Variants in ATRNL1 observed in about 807,000 individuals in gnomAD.
The protein encoded by ATRNL1 is attractin-like protein 1.
Under a neutral mutation model 182.7 loss-of-function variants are expected in ATRNL1, and 95 were observed. That is an observed-to-expected ratio of 0.52 (90% CI 0.44 to 0.62). The LOEUF is 0.62. Among genes scored for constraint, ATRNL1 ranks in the 20% least tolerant of loss-of-function variants. ATRNL1 has a pLI of 0.00. For missense variants in ATRNL1, 1,471 were observed against 1,679.5 expected (o/e 0.88, Z 2.17); for synonymous variants, 576 against 568.3 (o/e 1.01, Z -0.19).
chr10:115,136,191 G>T (rs1845507645), intron 5 of ATRNL1, among the ~76,000 whole-genome samples: 1 of 152,040 alleles, frequency 6.6e-6, no homozygotes, highest in Non-Finnish European at 1.5e-5. Context: ...ATAAAGTATA[G>T]TTGTCAAAGA....
chr10:115,376,253 TATCTC>T (rs1857665239), intron 19 of ATRNL1, among the ~76,000 whole-genome samples: 1 of 152,142 alleles, frequency 6.6e-6, no homozygotes, highest in Admixed American at 6.6e-5. Context: ...ATGATTCTGT[TATCTC>T]TTACTGCTGA....
chr10:115,457,409 A>G (rs1216782211), intron 21 of ATRNL1, among the ~76,000 whole-genome samples: 1 of 152,036 alleles, frequency 6.6e-6, no homozygotes, highest in Non-Finnish European at 1.5e-5. Context: ...TGTGGACTCT[A>G]TCCAGAACTG....
Position 115,315,573 on chromosome 10 carries a change from T to C in ATRNL1, c.2874T>C (p.Cys958=), listed in dbSNP as rs138333287. 1.2e-6 allele frequency: 2 copies of C among 1,613,796 alleles called. No individual in the cohort carries two copies. Among genetic ancestry groups the C allele is most frequent in the African/African-American group, 1.3e-5 (1 of 74,902 alleles). The change falls in exon 18 of 29, where the codon TGT becomes TGC. Residue 958 remains cysteine (C), a synonymous_variant. Coordinates refer to ENST00000355044, the MANE Select transcript of ATRNL1 (RefSeq NM_207303.4). The part of the protein sequence containing the change: ...TCGQCLEQPG[C]GWCNDPSNTG... ...GACAGTGTTTGGAACAGCCTGGATG[T>C]GGCTGGTGCAATGATCCTAGTAATA...
intron 26 of ATRNL1, among the ~76,000 whole-genome samples, chr10:115,587,889 TAGAAC>T (rs1855656718): frequency 6.7e-6 from 1 of 150,354 alleles, no homozygotes; most frequent in East Asian, 2.0e-4. Context: ...AGAAAACAAA[TAGAAC>T]AGAAGTAGTA....
intron 5 of ATRNL1, among the ~76,000 whole-genome samples, chr10:115,156,336 C>T (rs1554882060): frequency 2.0e-5 from 3 of 152,032 alleles, no homozygotes; most frequent in South Asian, 4.1e-4. Flanking sequence ...ATGGAAGTGC[C>T]GTTTACTCAG....
chr10:115,223,887 ATGTGTGTGTG>A (rs1185815693), intron 9 of ATRNL1, among the ~76,000 whole-genome samples: 4 of 80,108 alleles, frequency 5.0e-5, no homozygotes, highest in East Asian at 2.7e-4. Flanking sequence ...TATTTAATAT[ATGTGTGTGTG>A]TGTGTGTGTG....
intron 25 of ATRNL1, among the ~76,000 whole-genome samples, chr10:115,530,524 GA>G: frequency 6.6e-6 from 1 of 152,108 alleles, no homozygotes; most frequent in African/African-American, 2.4e-5. Context: ...TTAAGCGCTT[GA>G]AAAACAAGAA....
Position 115,281,396 on chromosome 10 carries a change from G to A in ATRNL1, c.2142G>A (p.Gln714=). The A allele has an allele frequency of 6.2e-7, 1 of 1,613,364 alleles. No individual in the cohort carries two copies. Among genetic ancestry groups the A allele is most frequent in the Non-Finnish European group, 8.5e-7 (1 of 1,179,598 alleles). Reference sequence around the variant, plus strand: ...CCAAATGTCATGTGAGAAATGAGCAGATTTGTAACAAACTTACCAGCTGTA... The same window carrying A: ...CCAAATGTCATGTGAGAAATGAGCAAATTTGTAACAAACTTACCAGCTGTA... The part of the protein sequence containing the change: ...NYTKCHVRNE[Q]ICNKLTSCKS... Residue 714 remains glutamine (Q), a synonymous_variant, in exon 14 of 29, where the codon CAG becomes CAA. Transcript: ENST00000355044.
rs190048431 is a variant in ATRNL1, at chr10:115,494,739, T to A, written c.3655-24524T>A. On this transcript the variant is annotated intron_variant, in intron 24 of 28. Coordinates refer to ENST00000355044, the MANE Select transcript of ATRNL1 (RefSeq NM_207303.4). The stretch of plus-strand genomic sequence containing the variant: ...TTTTGATATGCTGCTCAATTCACTT[T>A]GCTAGTATTTTTTTGAGAATTCTTG... 2.5e-3 allele frequency among the ~76,000 whole-genome samples: 379 copies of A among 152,328 alleles called. 4 individuals carry two copies. The highest frequency in any genetic ancestry group is 3.9e-3 in the Non-Finnish European group (266 of 68,036).
intron 24 of ATRNL1, among the ~76,000 whole-genome samples, chr10:115,511,991 A>G (rs1219472008): frequency 6.6e-6 from 1 of 151,918 alleles, no homozygotes; most frequent in Non-Finnish European, 1.5e-5. Flanking sequence ...TGTATAATGA[A>G]TAAAATTATT....
At chr10:115,692,945 C>T (rs1420958770) in intron 26 of ATRNL1, among the ~76,000 whole-genome samples, 2 of 152,022 alleles carry the variant, frequency 1.3e-5, no homozygotes, top group Non-Finnish European at 2.9e-5. Flanking sequence ...TGCAACATCC[C>T]TCTTTATAAT....
At chr10:115,644,927 A>G (rs1351812341) in intron 26 of ATRNL1, among the ~76,000 whole-genome samples, 2 of 152,112 alleles carry the variant, frequency 1.3e-5, no homozygotes, top group Non-Finnish European at 2.9e-5. Flanking sequence ...TTTGCATTCT[A>G]TCTAAAATTT....
chr10:115,765,697 T>TA (rs1194598838), intron 27 of ATRNL1, among the ~76,000 whole-genome samples: 1 of 152,206 alleles, frequency 6.6e-6, no homozygotes, highest in Non-Finnish European at 1.5e-5. Flanking sequence ...GTGTTATATG[T>TA]AAAAAATTAT....
intron 20 of ATRNL1, 76 bp from the exon 21 acceptor site, chr10:115,426,174 C>CT (rs139592750): frequency 1.7e-6 from 2 of 1,182,118 alleles, no homozygotes; most frequent in Non-Finnish European, 2.5e-6. Context: ...AATATAAATA[C>CT]TTTTTTGCTT....
intron 19 of ATRNL1, among the ~76,000 whole-genome samples, chr10:115,349,856 C>T (rs1275115101): frequency 6.6e-6 from 1 of 152,044 alleles, no homozygotes; most frequent in Non-Finnish European, 1.5e-5. Context: ...GGTTATTAAT[C>T]CCTTGTCATA....
At chr10:115,258,884 A>T (rs554236589) in intron 10 of ATRNL1, among the ~76,000 whole-genome samples, 1 of 152,240 alleles carries the variant, frequency 6.6e-6, no homozygotes, top group Admixed American at 6.5e-5. Context: ...CTCAGCTGCA[A>T]GTCTGTTGGA....
chr10:115,248,140 A>G (rs1408558467), intron 10 of ATRNL1, among the ~76,000 whole-genome samples: 2 of 152,202 alleles, frequency 1.3e-5, no homozygotes, highest in East Asian at 3.8e-4. Flanking sequence ...GTTAACTATT[A>G]TGTGTAGTTT....
chr10:115,624,103 A>G (rs556831122), intron 26 of ATRNL1, among the ~76,000 whole-genome samples: 43 of 152,150 alleles, frequency 2.8e-4, no homozygotes, highest in African/African-American at 9.1e-4. Flanking sequence ...TTATGTATTT[A>G]TTTTTTAATA....
At chr10:115,899,108 T>TC (rs1318356117) in intron 28 of ATRNL1, among the ~76,000 whole-genome samples, 3 of 152,012 alleles carry the variant, frequency 2.0e-5, no homozygotes, top group Non-Finnish European at 2.9e-5. Flanking sequence ...CCTTCCCCCA[T>TC]CCCCCACCCC....
Sources: allele counts gnomAD v4.1 joint callset (sites outside exome capture counted in the v4.1 genomes callset), GRCh38; gene constraint gnomAD v4.1.1; transcripts MANE v1.5; gene names NCBI Gene and HGNC (gene_info 2026-07-23, HGNC 2026-07-21).